The following TMEM80 variants were observed in gnomAD, a reference collection of about 807,000 sequenced individuals.
The protein encoded by TMEM80 is transmembrane protein 80.
Under a neutral mutation model 13.6 loss-of-function variants are expected in TMEM80, and 16 were observed. The ratio of observed to expected loss-of-function variants is 1.17; its 90% confidence interval spans 0.79 to 1.78. TMEM80 has a LOEUF of 1.78. Among genes scored for constraint, TMEM80 ranks in the 40% most tolerant of loss-of-function variants. TMEM80 has a pLI of 0.00. For missense variants in TMEM80, 167 were observed against 184.6 expected (o/e 0.90, Z 0.55); for synonymous variants, 92 against 89.5 (o/e 1.03, Z -0.16).
chr11:704,029 C>T lies in TMEM80; in HGVS notation c.*879C>T. On this transcript the variant is annotated 3_prime_UTR_variant, in exon 5 of 5. Coordinates refer to ENST00000397510, the MANE Select transcript of TMEM80 (RefSeq NM_001042463.3). ...ACAGTAGCTTTCCCTTCACTTGATT[C>T]TATTGTGTGTTTTCTATGTTTGGAA... The T allele has an allele frequency of 8.4e-7, 1 of 1,196,044 alleles. No homozygotes were observed. The highest frequency in any genetic ancestry group is 1.0e-6 in the Non-Finnish European group (1 of 963,636). 74.1% of individuals were successfully genotyped at this position (1,196,044 alleles called of 1,614,324 possible).
intron 1 of TMEM80, among the ~76,000 whole-genome samples, 177 bp downstream of exon 1, chr11:696,023 G>A (rs1355030761): frequency 2.0e-5 from 3 of 152,228 alleles, no homozygotes; most frequent in African/African-American, 7.2e-5. Context: ...CCTGGGTGGC[G>A]GGCGTCCTGC....
intron 1 of TMEM80, chr11:697,914 C>T (rs1484658015): frequency 6.6e-6 from 1 of 152,246 alleles, no homozygotes; most frequent in Non-Finnish European, 1.5e-5. Flanking sequence ...AACTCTGGCA[C>T]AGAAGGCCCC....
intron 1 of TMEM80, 113 bp from the exon 2 acceptor site, chr11:698,756 A>T (rs2133456698): frequency 7.8e-7 from 1 of 1,282,694 alleles, no homozygotes; most frequent in Non-Finnish European, 1.1e-6. Context: ...GCTTTCTACA[A>T]ATACGAGATC....
chr11:704,003 T>C lies in TMEM80; in HGVS notation c.*853T>C, dbSNP rs1554948837. ...TCTCCTTAAAAAGTATCTAAGCTGT[T>C]ACAGTAGCTTTCCCTTCACTTGATT... On this transcript the variant is annotated 3_prime_UTR_variant, in exon 5 of 5. Coordinates refer to ENST00000397510, the MANE Select transcript of TMEM80 (RefSeq NM_001042463.3). The C allele has an allele frequency of 3.3e-6, 4 of 1,217,946 alleles. No individual in the cohort carries two copies. Among genetic ancestry groups the C allele is most frequent in the Non-Finnish European group, 3.1e-6 (3 of 978,134 alleles). 75.4% of individuals were successfully genotyped at this position (1,217,946 alleles called of 1,614,324 possible). A position where few individuals can be genotyped will look rare whatever the true frequency, so the allele number is the denominator to read the frequency against.
In TMEM80 at chr11:700,174, T is replaced by A; in HGVS notation, c.72T>A (p.Tyr24Ter). Residue 24 changes from tyrosine to a stop codon, truncating the protein, a stop_gained, in exon 3 of 5, where the codon TAT (tyrosine) becomes TAA (stop). Coordinates refer to ENST00000397510, the MANE Select transcript of TMEM80 (RefSeq NM_001042463.3). LOFTEE classifies it high-confidence loss of function. ...CAGTTCCCCTTCAAATGCTGTTTTA[T>A]CTCAGCGGAACGTACTACGCCCTGT... ...LSSVPLQMLF[Y>*]LSGTYYALYF... 1 of 1,614,172 alleles carries A rather than the reference T, an allele frequency of 6.2e-7. No homozygotes were observed. Among genetic ancestry groups the A allele is most frequent in the East Asian group, 2.2e-5 (1 of 44,888 alleles).
Position 703,310 on chromosome 11 carries a change from A to G in TMEM80, c.*160A>G. On this transcript the variant is annotated 3_prime_UTR_variant, in exon 5 of 5. Coordinates refer to ENST00000397510, the MANE Select transcript of TMEM80 (RefSeq NM_001042463.3). ...CATCTGTTCTGGCAGGAGTGGGAGC[A>G]GGAGCCAGGGCAGAACAAACTGCTG... 7.0e-7 allele frequency: 1 copy of G among 1,423,386 alleles called. No homozygotes were observed. Among genetic ancestry groups the G allele is most frequent in the Non-Finnish European group, 9.2e-7 (1 of 1,086,632 alleles). 88.2% of individuals were successfully genotyped at this position (1,423,386 alleles called of 1,614,324 possible). A position where few individuals can be genotyped will look rare whatever the true frequency, so the allele number is the denominator to read the frequency against.
At chr11:700,451 C>A (rs1040737979) in intron 3 of TMEM80, among the ~76,000 whole-genome samples, 164 bp from the exon 4 acceptor site, 3 of 150,872 alleles carry the variant, frequency 2.0e-5, no homozygotes, top group African/African-American at 7.3e-5. Context: ...TGCTTGAACC[C>A]GGGAGGTGGA....
downstream of TMEM80, chr11:704,673 G>T: frequency 1.6e-6 from 2 of 1,284,948 alleles, no homozygotes; most frequent in Non-Finnish European, 2.0e-6. Context: ...CAGTCTCAGC[G>T]AGCACACAAA....
chr11:702,226 G>A (rs368345755), intron 4 of TMEM80, among the ~76,000 whole-genome samples: 28 of 152,348 alleles, frequency 1.8e-4, no homozygotes, highest in African/African-American at 4.3e-4. Context: ...AGGGGTGCCC[G>A]GCCGTCAGTG....
chr11:703,756 C>T lies in TMEM80; in HGVS notation c.*606C>T. 1 of 1,233,040 alleles carries T rather than the reference C, an allele frequency of 8.1e-7. No homozygotes were observed. The highest frequency in any genetic ancestry group is 1.0e-6 in the Non-Finnish European group (1 of 988,984). 76.4% of individuals were successfully genotyped at this position (1,233,040 alleles called of 1,614,324 possible). On this transcript the variant is annotated 3_prime_UTR_variant, in exon 5 of 5. Coordinates refer to ENST00000397510, the MANE Select transcript of TMEM80 (RefSeq NM_001042463.3). ...AATAAATGCAAACAAGCCAACAGCT[C>T]TGCTGCCTAGCAATTTCCATCTTAG...
intron 4 of TMEM80, 112 bp downstream of exon 4, chr11:700,819 C>T (rs888088826): frequency 2.0e-6 from 2 of 1,013,434 alleles, no homozygotes; most frequent in Admixed American, 1.7e-5. Flanking sequence ...ATTTTTTATC[C>T]AAACTGCTTA....
chr11:700,363 C>G, intron 3 of TMEM80, 128 bp downstream of exon 3: 2 of 893,658 alleles, frequency 2.2e-6, no homozygotes, highest in Admixed American at 4.5e-5. Context: ...CCCATCTCTA[C>G]TAAAAACACA....
At chr11:704,261 G>A (rs1174621718), downstream of TMEM80, 22 of 738,276 alleles carry the variant, frequency 3.0e-5, no homozygotes, top group South Asian at 2.0e-4. Context: ...GGCGCCTTCC[G>A]CTCGGTGGAC....
chr11:696,034 ACCCCGAAGAG>A (rs1861135259), intron 1 of TMEM80, among the ~76,000 whole-genome samples, 188 bp downstream of exon 1: 1 of 151,758 alleles, frequency 6.6e-6, no homozygotes, highest in Non-Finnish European at 1.5e-5. Context: ...GGCGTCCTGC[ACCCCGAAGAG>A]CTCCCCCGCG....
Position 703,088 on chromosome 11 carries a change from C to G in TMEM80, c.370C>G (p.Leu124Val). The change falls in exon 5 of 5, where the codon CTG becomes GTG. Residue 124 changes from leucine (L) to valine (V), a missense_variant. By Grantham distance (32) the Leu-to-Val change is conservative. Transcript: ENST00000397510. ...GGACTGGGCCCTCAGCGCCACGCTC[C>G]TGGCCCTTCACGGCCTGGAGGCCGT... ...WADWALSATLLALHGLEAVLQ... is the reference protein window; with the variant it reads ...WADWALSATLVALHGLEAVLQ... The G allele has an allele frequency of 6.2e-7, 1 of 1,612,178 alleles. No individual in the cohort carries two copies. Among genetic ancestry groups the G allele is most frequent in the Non-Finnish European group, 8.5e-7 (1 of 1,179,372 alleles).
At chr11:696,152 G>T (rs1861144365) in intron 1 of TMEM80, among the ~76,000 whole-genome samples, 1 of 152,168 alleles carries the variant, frequency 6.6e-6, no homozygotes, top group Non-Finnish European at 1.5e-5. Context: ...GTGAAGACAC[G>T]TGGGCGGGAT....
chr11:699,136 C>T (rs898816914), intron 2 of TMEM80: 4 of 496,826 alleles, frequency 8.1e-6, no homozygotes, highest in South Asian at 3.5e-5. Flanking sequence ...GCTCCCAAGG[C>T]GATGGCCACC....
chr11:702,250 T>TA (rs1281783707), intron 4 of TMEM80, among the ~76,000 whole-genome samples: 3 of 152,190 alleles, frequency 2.0e-5, no homozygotes, highest in Non-Finnish European at 2.9e-5. Flanking sequence ...TGTCTGCACT[T>TA]ACGTCCCAGA....
At position 703,918 on chromosome 11, in the gene TMEM80, C is replaced by T. The variant is rs747150874; in HGVS notation, c.*768C>T. The T allele has an allele frequency of 1.1e-5, 14 of 1,241,544 alleles. No homozygotes were observed. Among genetic ancestry groups the T allele is most frequent in the South Asian group, 4.0e-5 (1 of 25,146 alleles). The allele number at this position is 1,241,544 out of a possible 1,614,324, so 76.9% of individuals were successfully genotyped here. ...GTTTTATCAGCTTTTGCCTTTTGCA[C>T]GGAGTGCTAAACAAATTCTAGCTCT... On this transcript the variant is annotated 3_prime_UTR_variant, in exon 5 of 5. Transcript: ENST00000397510.
Sources: allele counts gnomAD v4.1 joint callset (sites outside exome capture counted in the v4.1 genomes callset), GRCh38; gene constraint gnomAD v4.1.1; transcripts MANE v1.5; gene names NCBI Gene and HGNC (gene_info 2026-07-23, HGNC 2026-07-21).